The following GOLPH3 variants were observed in gnomAD, a reference collection of about 807,000 sequenced individuals.
GOLPH3 encodes coat protein GPP34.
GOLPH3 carries 14 observed loss-of-function variants against 28.5 expected under a neutral mutation model. The observed-to-expected ratio is 0.49, with a 90% CI of 0.32 to 0.77. The LOEUF is 0.77. Among genes scored for constraint, GOLPH3 ranks in the 30% least tolerant of loss-of-function variants. GOLPH3 has a pLI of 0.03. For synonymous variants in GOLPH3, 158 were observed against 159.2 expected (o/e 0.99, Z 0.06); for missense variants, 350 against 393.7 (o/e 0.89, Z 0.94).
chr5:32,173,774 C>A, intron 1 of GOLPH3, 36 bp downstream of exon 1: 2 of 1,308,558 alleles, frequency 1.5e-6, no homozygotes, highest in South Asian at 2.2e-5. Flanking sequence ...CCGGGCCCCG[C>A]GCCGCCGCCC....
intron 1 of GOLPH3, among the ~76,000 whole-genome samples, chr5:32,162,071 G>GT (rs1168648349): frequency 1.3e-5 from 2 of 150,866 alleles, no homozygotes; most frequent in Admixed American, 6.6e-5. Flanking sequence ...ATAAAAATCA[G>GT]AAGTCAAGTG....
At chr5:32,133,357 G>T (rs161541) in intron 3 of GOLPH3, among the ~76,000 whole-genome samples, 26,739 of 152,126 alleles carry the variant, frequency 0.18, 5,261 homozygotes, top group African/African-American at 0.49. Flanking sequence ...TCCATAAAAA[G>T]AATCTTTAAC....
At position 32,143,745 on chromosome 5, in the gene GOLPH3, T is replaced by C; in HGVS notation, c.357+4A>G. On this transcript the variant is annotated splice_donor_region_variant and intron_variant, in intron 2 of 3. Transcript: ENST00000265070. ...AAAAGAATGTTACTCAGCACTCCTC[T>C]TACCTTTCTTGTTAATAGACTTTTA... is the stretch of plus-strand genomic sequence containing the variant. 3 of 1,607,432 alleles carry C rather than the reference T, an allele frequency of 1.9e-6. No individual in the cohort carries two copies. Among genetic ancestry groups the C allele is most frequent in the Non-Finnish European group, 1.7e-6 (2 of 1,177,754 alleles).
chr5:32,140,465 T>C (rs1169548049), intron 2 of GOLPH3, among the ~76,000 whole-genome samples: 1 of 151,482 alleles, frequency 6.6e-6, no homozygotes, highest in African/African-American at 2.4e-5. Context: ...GCCTGACCAA[T>C]ATGGTGAAAC....
chr5:32,128,106 T>G (rs1745723915), intron 3 of GOLPH3, among the ~76,000 whole-genome samples: 1 of 152,178 alleles, frequency 6.6e-6, no homozygotes, highest in South Asian at 2.1e-4. Context: ...TGCAAGGTGT[T>G]CCTTGAGTCT....
chr5:32,164,111 T>C (rs1176959875), intron 1 of GOLPH3, among the ~76,000 whole-genome samples: 1 of 152,210 alleles, frequency 6.6e-6, no homozygotes, highest in Non-Finnish European at 1.5e-5. Flanking sequence ...CAGTTCAGTA[T>C]GCTAAAATTG....
chr5:32,129,001 G>T (rs756801525), intron 3 of GOLPH3, among the ~76,000 whole-genome samples: 13 of 152,092 alleles, frequency 8.5e-5, no homozygotes, highest in South Asian at 4.1e-4. Flanking sequence ...AGCCAAGATG[G>T]TGAAACCCTG....
chr5:32,166,414 C>T (rs1043824620), intron 1 of GOLPH3, among the ~76,000 whole-genome samples: 1 of 152,136 alleles, frequency 6.6e-6, no homozygotes, highest in Non-Finnish European at 1.5e-5. Context: ...GCTATTAAAA[C>T]AGGTTGCAGT....
At chr5:32,151,168 A>G (rs1014228369) in intron 1 of GOLPH3, among the ~76,000 whole-genome samples, 2 of 152,028 alleles carry the variant, frequency 1.3e-5, no homozygotes, top group Admixed American at 6.6e-5. Context: ...AAAGTCACTT[A>G]TATCACAGAT....
In GOLPH3 at chr5:32,173,815, G is replaced by T; in HGVS notation, c.220C>A (p.Arg74Ser). The T allele has an allele frequency of 1.4e-6, 2 of 1,452,522 alleles. No individual in the cohort carries two copies. The highest frequency in any genetic ancestry group is 1.8e-6 in the Non-Finnish European group (2 of 1,103,632). The allele number at this position is 1,452,522 out of a possible 1,614,324, so 90.0% of individuals were successfully genotyped here. The change falls in exon 1 of 4, where the codon CGC becomes AGC. Residue 74 changes from arginine (R) to serine (S), a missense_variant. Transcript: ENST00000265070. Reference protein sequence around the residue: ...EEVLLLGLKDREGYTSFWNDC... With the variant: ...EEVLLLGLKDSEGYTSFWNDC... The stretch of plus-strand genomic sequence containing the variant: ...CCAGCCCGCCGCGCCCGCACCTCGC[G>T]GTCCTTGAGGCCCAGCAGGAGCACT...
intron 1 of GOLPH3, among the ~76,000 whole-genome samples, chr5:32,171,510 T>A (rs1263044952): frequency 6.6e-6 from 1 of 152,068 alleles, no homozygotes; most frequent in South Asian, 2.1e-4. Context: ...TTCAGGTTTT[T>A]GTTTTCCACC....
Position 32,158,014 on chromosome 5 carries a change from TAAATAAA to T in GOLPH3, c.226-14141_226-14135del, listed in dbSNP as rs1561678517. On this transcript the variant is annotated intron_variant, in intron 1 of 3. Coordinates refer to ENST00000265070, the MANE Select transcript of GOLPH3 (RefSeq NM_022130.4). ...ATAAATAAATAAATAAATAAATAAA[TAAATAAA>T]ATACACACACACACACACACACACA... is the stretch of plus-strand genomic sequence containing the variant. 3.7e-3 allele frequency among the ~76,000 whole-genome samples: 123 copies of T among 33,540 alleles called. 11 individuals carry two copies. The highest frequency in any genetic ancestry group is 0.011 in the Middle Eastern group (1 of 88). 22.0% of individuals were successfully genotyped at this position (33,540 alleles called of 152,430 possible). A position where few individuals can be genotyped will look rare whatever the true frequency, so the allele number is the denominator to read the frequency against.
In GOLPH3 at chr5:32,142,445, C is replaced by G. The variant is rs1405712231; in HGVS notation, c.357+1304G>C. On this transcript the variant is annotated intron_variant, in intron 2 of 3. Coordinates refer to ENST00000265070, the MANE Select transcript of GOLPH3 (RefSeq NM_022130.4). ...CCGGGAAGTGAGGAGCGTCTCCGCC[C>G]GGCAGCCACCTCGTCCGGGAGGGAG... 2.0e-5 allele frequency among the ~76,000 whole-genome samples: 3 copies of G among 150,080 alleles called. No individual in the cohort carries two copies. In the South Asian group the frequency reaches 6.3e-4, roughly 31 times the overall value.
intron 3 of GOLPH3, among the ~76,000 whole-genome samples, chr5:32,134,244 C>T (rs1243286299): frequency 5.9e-5 from 9 of 151,904 alleles, no homozygotes; most frequent in African/African-American, 2.2e-4. Context: ...CTCACTCTGT[C>T]ACCCAGGTTG....
Position 32,126,299 on chromosome 5 carries a change from C to A in GOLPH3, c.810G>T (p.Gln270His). 6.2e-7 allele frequency: 1 copy of A among 1,614,176 alleles called. No homozygotes were observed. Among genetic ancestry groups the A allele is most frequent in the Non-Finnish European group, 8.5e-7 (1 of 1,180,030 alleles). The part of the protein sequence containing the change: ...QYDLATKRVR[Q>H]LLDLDPEVEC... ...CCACTTCAGGGTCTAAGTCGAGAAG[C>A]TGCCGCACTCTCTTGGTAGCCAAAT... is the stretch of plus-strand genomic sequence containing the variant. Residue 270 changes from glutamine (Q) to histidine (H), a missense_variant, in exon 4 of 4, where the codon CAG becomes CAT. Transcript: ENST00000265070.
At chr5:32,159,973 A>G (rs929412839) in intron 1 of GOLPH3, among the ~76,000 whole-genome samples, 4 of 152,240 alleles carry the variant, frequency 2.6e-5, no homozygotes, top group African/African-American at 9.6e-5. Context: ...TCAAGTCACT[A>G]TAACATTTAT....
chr5:32,133,134 C>T (rs1004973833), intron 3 of GOLPH3, among the ~76,000 whole-genome samples: 3 of 152,208 alleles, frequency 2.0e-5, no homozygotes, highest in Non-Finnish European at 4.4e-5. Flanking sequence ...TTACAAAATC[C>T]TAACTGTGTT....
chr5:32,153,419 GAAAA>G (rs202161839), intron 1 of GOLPH3, among the ~76,000 whole-genome samples: 2 of 103,290 alleles, frequency 1.9e-5, no homozygotes, highest in East Asian at 2.9e-4. Flanking sequence ...ACTGAAAACA[GAAAA>G]AAAAAAAAAA....
At chr5:32,135,539 A>G in intron 3 of GOLPH3, 33 bp downstream of exon 3, 1 of 1,244,890 alleles carries the variant, frequency 8.0e-7, no homozygotes, top group Non-Finnish European at 1.2e-6. Context: ...TTTTAAACAG[A>G]AGTTGGTTTT....
Sources: gnomAD v4.1 joint callset for allele counts (sites outside exome capture counted in the v4.1 genomes callset) on GRCh38, gnomAD v4.1.1 for gene constraint, MANE v1.5 for transcripts, NCBI Gene and HGNC (gene_info 2026-07-23, HGNC 2026-07-21) for gene names.